CDH15: variants seen among roughly 807,000 people sequenced by gnomAD.
The protein encoded by CDH15 is cadherin 15, also known as cadherin-15.
In CDH15, 73 loss-of-function variants were observed where a neutral mutation model predicts 69.4. That is an observed-to-expected ratio of 1.05 (90% confidence interval 0.87 to 1.28). CDH15 has a LOEUF of 1.28. CDH15 is among the 50% of genes most tolerant of loss of function. The pLI is 0.00. For missense variants in CDH15, 1,343 were observed against 1,133.6 expected (o/e 1.18, Z -2.65); for synonymous variants, 624 against 507.7 (o/e 1.23, Z -3.08).
chr16:89,180,060 T>G (rs1323074346), intron 2 of CDH15, 140 bp from the exon 3 acceptor site: 1 of 924,944 alleles, frequency 1.1e-6, no homozygotes, highest in Non-Finnish European at 1.7e-6. Context: ...AGCTCCTCAT[T>G]GGGTACCAGG....
chr16:89,183,482 T>G, intron 3 of CDH15, 66 bp from the exon 4 acceptor site: 1 of 1,584,764 alleles, frequency 6.3e-7, no homozygotes, highest in Non-Finnish European at 8.7e-7. Flanking sequence ...CTCTTTCGCA[T>G]GGCCCTAACG....
chr16:89,178,505 C>T (rs570876587), intron 1 of CDH15, among the ~76,000 whole-genome samples: 4 of 152,248 alleles, frequency 2.6e-5, no homozygotes, highest in African/African-American at 9.6e-5. Flanking sequence ...TGGGGCTGCC[C>T]CTCTGTCCCC....
In CDH15 at chr16:89,193,544, C is replaced by G. The variant is rs773366600; in HGVS notation, c.1930C>G (p.Gln644Glu). The change falls in exon 12 of 14, where the codon CAG becomes GAG. Residue 644 changes from glutamine to glutamate, a missense_variant. By Grantham distance (29) the Gln-to-Glu change is conservative. Transcript: ENST00000289746. ...SRGKGLLHGP[Q>E]DDLRDNVLNY... ...GGGCAAGGGGCTGCTGCACGGCCCC[C>G]AGGACGACCTTCGAGACAATGTCCT... 6.2e-7 allele frequency: 1 copy of G among 1,611,718 alleles called. No individual in the cohort carries two copies. The highest frequency in any genetic ancestry group is 1.7e-5 in the Admixed American group (1 of 59,920).
chr16:89,172,687 G>A (rs892603962), intron 1 of CDH15, among the ~76,000 whole-genome samples: 2 of 152,194 alleles, frequency 1.3e-5, no homozygotes, highest in African/African-American at 4.8e-5. Context: ...TGCCTAGCTG[G>A]AGCCACGTCT....
Position 89,193,623 on chromosome 16 carries a change from G to C in CDH15, c.1992+17G>C. ...GAGGACCAGGTGAGGGGGCAGGTGT[G>C]GGTGGGGAGGGGTCCCCAAGGAACC... On this transcript the variant is annotated intron_variant, in intron 12 of 13. Coordinates refer to ENST00000289746, the MANE Select transcript of CDH15 (RefSeq NM_004933.3). The C allele has an allele frequency of 6.3e-7, 1 of 1,576,830 alleles. No individual in the cohort carries two copies. Among genetic ancestry groups the C allele is most frequent in the Non-Finnish European group, 8.6e-7 (1 of 1,161,286 alleles).
intron 5 of CDH15, 146 bp downstream of exon 5, chr16:89,185,479 A>T (rs1915464209): frequency 1.0e-6 from 1 of 965,420 alleles, no homozygotes; most frequent in African/African-American, 1.6e-5. Flanking sequence ...TCCTGAGGAG[A>T]TGGCATGGGG....
chr16:89,175,143 G>T (rs1915231906), intron 1 of CDH15, among the ~76,000 whole-genome samples: 1 of 152,212 alleles, frequency 6.6e-6, no homozygotes, highest in African/African-American at 2.4e-5. Flanking sequence ...ACAGGCCTGG[G>T]CCCAGGACTC....
rs932464690 is a variant in CDH15, at chr16:89,177,946, G to A, written c.43-1470G>A. On this transcript the variant is annotated intron_variant, in intron 1 of 13. Coordinates refer to ENST00000289746, the MANE Select transcript of CDH15 (RefSeq NM_004933.3). ...GATCCCAGGACAGGCAGGACCCGCC[G>A]TCTCTAAGCTTCCCTTTGACCAAGG... 2.8e-4 allele frequency among the ~76,000 whole-genome samples: 42 copies of A among 152,270 alleles called. 1 individual carries two copies. The highest frequency in any genetic ancestry group is 1.8e-3 in the Admixed American group (27 of 15,306).
chr16:89,174,451 C>T (rs554832326), intron 1 of CDH15, among the ~76,000 whole-genome samples: 8 of 152,360 alleles, frequency 5.3e-5, no homozygotes, highest in East Asian at 1.9e-4. Flanking sequence ...GCCCCAGAAC[C>T]GCTCCTCGTT....
chr16:89,192,569 C>T (rs1915677021), intron 11 of CDH15, 125 bp downstream of exon 11: 4 of 676,408 alleles, frequency 5.9e-6, no homozygotes, highest in Middle Eastern at 4.0e-4. Flanking sequence ...CCCGCCCCCT[C>T]ATTACCAGCC....
Position 89,190,229 on chromosome 16 carries a change from C to T in CDH15, c.979-14C>T. ...TGCGTTGGGCGGATGACGGGCTGTGCTTCCTTCCCTCAGGCCCTGGACTAT... is the reference window on the plus strand; with the variant it reads ...TGCGTTGGGCGGATGACGGGCTGTGTTTCCTTCCCTCAGGCCCTGGACTAT... On this transcript the variant is annotated splice_polypyrimidine_tract_variant and intron_variant, in intron 7 of 13. Transcript: ENST00000289746. 1.2e-6 allele frequency: 2 copies of T among 1,610,874 alleles called. No homozygotes were observed. Among genetic ancestry groups the T allele is most frequent in the Non-Finnish European group, 1.7e-6 (2 of 1,179,202 alleles).
At chr16:89,182,785 A>G (rs895346584) in intron 3 of CDH15, 1 of 152,246 alleles carries the variant, frequency 6.6e-6, no homozygotes, top group African/African-American at 2.4e-5. Context: ...TGTATCCCTT[A>G]CATCAAAAGT....
intron 4 of CDH15, 147 bp from the exon 5 acceptor site, chr16:89,185,026 C>T: frequency 1.3e-6 from 1 of 745,866 alleles, no homozygotes; most frequent in Non-Finnish European, 2.2e-6. Flanking sequence ...GTGACGCAAA[C>T]AGCAGCATGG....
intron 7 of CDH15, among the ~76,000 whole-genome samples, chr16:89,188,651 GGCACACACAGATGCCCACA>G (rs1321828921): frequency 7.7e-5 from 8 of 104,246 alleles, no homozygotes; most frequent in East Asian, 3.0e-4. Flanking sequence ...CACAGATGCC[GGCACACACAGATGCCCACA>G]CACAGATGCC....
chr16:89,180,009 C>T (rs1488751135), intron 2 of CDH15, among the ~76,000 whole-genome samples, 191 bp from the exon 3 acceptor site: 1 of 152,216 alleles, frequency 6.6e-6, no homozygotes, highest in African/African-American at 2.4e-5. Context: ...CAAGACGGGG[C>T]ACCCTTGGGG....
rs1241595008 is a variant in CDH15 at position 89,191,884 on chromosome 16, C to G, written c.1605C>G (p.Ser535Arg). 6.3e-7 allele frequency: 1 copy of G among 1,579,758 alleles called. No homozygotes were observed. The highest frequency in any genetic ancestry group is 1.1e-5 in the South Asian group (1 of 87,978). Residue 535 changes from serine (S) to arginine (R), a missense_variant, in exon 10 of 14, where the codon AGC (serine) becomes AGG (arginine). By Grantham distance (110) the Ser-to-Arg change is moderately radical. Coordinates refer to ENST00000289746, the MANE Select transcript of CDH15 (RefSeq NM_004933.3). ...AGCTCGGCCGGAACTGGAGCCTCAG[C>G]CAGGTCAACGGTGCGCTCCCCTCAC... Reference protein sequence around the residue: ...LPELGRNWSLSQVNVSHARLR... With the variant: ...LPELGRNWSLRQVNVSHARLR...
chr16:89,188,282 G>A lies in CDH15; in HGVS notation c.975G>A (p.Val325=). The part of the protein sequence containing the change: ...PKTNEGVLSI[V]KALDYESCEH... ...CCAACGAGGGTGTTCTGTCCATTGT[G>A]AAGGTGAGCGGCCCCCGGCTGGCAC... The change falls in exon 7 of 14, where the codon GTG becomes GTA. Residue 325 remains valine (V), a synonymous_variant. Coordinates refer to ENST00000289746, the MANE Select transcript of CDH15 (RefSeq NM_004933.3). 4.3e-6 allele frequency: 7 copies of A among 1,612,886 alleles called. No individual in the cohort carries two copies. The highest frequency in any genetic ancestry group is 5.9e-6 in the Non-Finnish European group (7 of 1,179,748).
intron 1 of CDH15, among the ~76,000 whole-genome samples, chr16:89,175,677 A>G (rs1049003323): frequency 2.6e-5 from 4 of 152,144 alleles, no homozygotes; most frequent in Non-Finnish European, 5.9e-5. Flanking sequence ...ACTTGGCAGG[A>G]GCTGCCCTGC....
At chr16:89,185,965 G>A (rs146732818) in intron 5 of CDH15, 87 of 160,860 alleles carry the variant, frequency 5.4e-4, no homozygotes, top group East Asian at 1.9e-3. Flanking sequence ...CTTACCCAGC[G>A]CAGAGTAGGT....
Sources: gnomAD v4.1 joint callset for allele counts (sites outside exome capture counted in the v4.1 genomes callset) on GRCh38, gnomAD v4.1.1 for gene constraint, MANE v1.5 for transcripts, NCBI Gene and HGNC (gene_info 2026-07-23, HGNC 2026-07-21) for gene names.